Variants in NSD1 observed in about 807,000 individuals in gnomAD.
NSD1 encodes histone-lysine N-methyltransferase, H3 lysine-36 specific.
Under a neutral mutation model 242.7 loss-of-function variants are expected in NSD1, and 26 were observed. That is an observed-to-expected ratio of 0.11 (90% CI 0.08 to 0.15). The LOEUF is 0.15. Ranked by LOEUF, NSD1 falls within the 10% of genes least tolerant of loss-of-function variation. The pLI, the probability that NSD1 is intolerant of heterozygous loss-of-function variation, is 1.00. For synonymous variants in NSD1, 1,106 were observed against 1,178.1 expected, an observed-to-expected ratio of 0.94 and a Z score of 1.25; for missense variants, 2,495 against 3,272.8, an observed-to-expected ratio of 0.76 and a Z score of 5.80.
chr5:177,182,186 A>G (rs1007239167), intron 2 of NSD1, among the ~76,000 whole-genome samples: 2 of 151,830 alleles, frequency 1.3e-5, no homozygotes, highest in Middle Eastern at 3.4e-3. Context: ...TCATAGTGGT[A>G]TGCACTTTTA....
intron 4 of NSD1, among the ~76,000 whole-genome samples, chr5:177,207,442 C>A (rs13174760): frequency 0.23 from 35,190 of 151,048 alleles, 5,423 homozygotes; most frequent in East Asian, 0.51. Context: ...GCCACCAGGC[C>A]TGGCTAATTT....
chr5:177,227,078 A>G (rs967511989), intron 5 of NSD1, among the ~76,000 whole-genome samples: 5 of 152,218 alleles, frequency 3.3e-5, no homozygotes, highest in Admixed American at 6.5e-5. Context: ...GATGAAACAC[A>G]TATGGATGAA....
intron 22 of NSD1, 35 bp downstream of exon 22, chr5:177,292,193 T>A: frequency 6.2e-7 from 1 of 1,603,944 alleles, no homozygotes. Flanking sequence ...CGCTACTCGT[T>A]CTCTCCATCA....
intron 20 of NSD1, among the ~76,000 whole-genome samples, chr5:177,287,656 GAAA>G (rs921620986): frequency 3.3e-5 from 5 of 149,652 alleles, no homozygotes; most frequent in Non-Finnish European, 5.9e-5. Context: ...AAAGAAAAAA[GAAA>G]AAAAAACAGT....
intron 2 of NSD1, among the ~76,000 whole-genome samples, chr5:177,147,927 G>A (rs1365182385): frequency 1.3e-5 from 2 of 151,830 alleles, no homozygotes; most frequent in Non-Finnish European, 2.9e-5. Context: ...AATATTCCAT[G>A]ATACAAATAT....
chr5:177,282,707 GCT>G lies in NSD1; in HGVS notation c.6009+127_6009+128del. On this transcript the variant is annotated intron_variant, in intron 19 of 22. Transcript: ENST00000439151. ...GTCTTTTCCCATACCCATTGGGATT[GCT>G]GGATTGGGGTTCTGGAGTAGGTAAG... 3 of 803,152 alleles carry G rather than the reference GCT, an allele frequency of 3.7e-6. No homozygotes were observed. In the Middle Eastern group the frequency reaches 6.7e-4, roughly 180 times the overall value. The allele number at this position is 803,152 out of a possible 1,614,324, so 49.8% of individuals were successfully genotyped here. A position where few individuals can be genotyped will look rare whatever the true frequency, so the allele number is the denominator to read the frequency against.
At chr5:177,219,509 C>A (rs1298885234) in intron 5 of NSD1, among the ~76,000 whole-genome samples, 1 of 152,058 alleles carries the variant, frequency 6.6e-6, no homozygotes, top group Non-Finnish European at 1.5e-5. Context: ...TTTCAAATTT[C>A]CCTTGTGATT....
chr5:177,267,831 T>A lies in NSD1; in HGVS notation c.5303+113T>A, dbSNP rs10071723. On this transcript the variant is annotated intron_variant, in intron 15 of 22. Transcript: ENST00000439151. ...TCTACTTAATTACTCATGGTACTCC[T>A]CCCCTCTTCTTCTTGATTTTTTTCC... The A allele has an allele frequency of 3.3e-5, 34 of 1,034,180 alleles. No homozygotes were observed. The African/African-American group carries it at 4.8e-4, about 15-fold the overall frequency. 64.1% of individuals were successfully genotyped at this position (1,034,180 alleles called of 1,614,324 possible).
chr5:177,209,813 C>A lies in NSD1; in HGVS notation c.1414C>A (p.Leu472Ile), dbSNP rs371775975. The change falls in exon 5 of 23, where the codon CTT (leucine) becomes ATT (isoleucine). Residue 472 changes from leucine (L) to isoleucine (I), a missense_variant. Physicochemically the swap from Leu to Ile is conservative, Grantham distance 5. This residue lies in a region of NSD1 where 515 missense variants were observed against 467.0 expected (regional missense o/e 1.10). Transcript: ENST00000439151. Reference sequence around the variant, plus strand: ...TCCTGAGTCAGAACATGACCTGTTGCTTAATGGCTGTTTGAAATCACTGGC... The same window carrying A: ...TCCTGAGTCAGAACATGACCTGTTGATTAATGGCTGTTTGAAATCACTGGC... ...NDPESEHDLL[L>I]NGCLKSLAFD... 1.9e-6 allele frequency: 3 copies of A among 1,614,004 alleles called. No individual in the cohort carries two copies. Among genetic ancestry groups the A allele is most frequent in the African/African-American group, 2.7e-5 (2 of 74,902 alleles).
In NSD1 at chr5:177,294,465, G is replaced by A; in HGVS notation, c.7097G>A (p.Gly2366Asp). ...GACCCAAGGCTGGATAAATCCATAG[G>A]TGCTGCCAGCCCAAGGCCCCAGTCA... is the stretch of plus-strand genomic sequence containing the variant. The part of the protein sequence containing the change: ...TADPRLDKSI[G>D]AASPRPQSLE... Residue 2366 changes from glycine to aspartate, a missense_variant, in exon 23 of 23, where the codon GGT (glycine) becomes GAT (aspartate). Coordinates refer to ENST00000439151, the MANE Select transcript of NSD1 (RefSeq NM_022455.5). 1 of 1,614,140 alleles carries A rather than the reference G, an allele frequency of 6.2e-7. No individual in the cohort carries two copies. The highest frequency in any genetic ancestry group is 8.5e-7 in the Non-Finnish European group (1 of 1,180,032).
At position 177,251,641 on chromosome 5, in the gene NSD1, A is replaced by G. The variant is rs560877483; in HGVS notation, c.4642-89A>G. On this transcript the variant is annotated intron_variant, in intron 11 of 22. Coordinates refer to ENST00000439151, the MANE Select transcript of NSD1 (RefSeq NM_022455.5). ...CTCACCTCCTTTTCTGCCACTTTTA[A>G]CCTTTGTTTACTTTAACCCACTGAC... is the stretch of plus-strand genomic sequence containing the variant. The G allele has an allele frequency of 5.3e-5, 74 of 1,388,930 alleles. No individual in the cohort carries two copies. The South Asian group carries it at 8.7e-4, about 16-fold the overall frequency. The allele number at this position is 1,388,930 out of a possible 1,614,324, so 86.0% of individuals were successfully genotyped here.
In NSD1 at chr5:177,251,812, A is replaced by T. The variant is rs1237319595; in HGVS notation, c.4724A>T (p.Glu1575Val). The change falls in exon 12 of 23, where the codon GAG becomes GTG. Residue 1575 changes from glutamate (E) to valine (V), a missense_variant. This residue lies in a region of NSD1 where 27 missense variants were observed against 43.1 expected (regional missense o/e 0.63). Transcript: ENST00000439151. Reference protein sequence around the residue: ...AFHLECLGLTEMPRGKFICNE... With the variant: ...AFHLECLGLTVMPRGKFICNE... ...CACCTGGAGTGCCTTGGATTGACTG[A>T]GATGCCAAGAGGAAAATTTATCTGC... is the stretch of plus-strand genomic sequence containing the variant. 2 of 1,614,058 alleles carry T rather than the reference A, an allele frequency of 1.2e-6. No individual in the cohort carries two copies. The highest frequency in any genetic ancestry group is 1.7e-6 in the Non-Finnish European group (2 of 1,180,024).
rs1763232028 is a variant in NSD1 at position 177,210,292 on chromosome 5, G to C, written c.1893G>C (p.Lys631Asn). ...ATATTGGAGCAGGTGATGAGGAAAA[G>C]CGAAGTGATTCCATTAGTATCTGTA... ...LCYIGAGDEEKRSDSISICTT... is the reference protein window; with the variant it reads ...LCYIGAGDEENRSDSISICTT... Residue 631 changes from lysine to asparagine, a missense_variant, in exon 5 of 23, where the codon AAG (lysine) becomes AAC (asparagine). By Grantham distance (94) the Lys-to-Asn change is moderately conservative. Around this residue, in one of 19 missense-constraint regions of NSD1, gnomAD observed 515 missense variants for 467.0 expected, o/e 1.10. Transcript: ENST00000439151. The C allele has an allele frequency of 6.2e-7, 1 of 1,610,634 alleles. No individual in the cohort carries two copies. The highest frequency in any genetic ancestry group is 8.5e-7 in the Non-Finnish European group (1 of 1,178,074).
In NSD1 at chr5:177,260,595, G is replaced by A. The variant is rs184300378; in HGVS notation, c.5146+427G>A. 2.0e-3 allele frequency among the ~76,000 whole-genome samples: 301 copies of A among 152,028 alleles called. 1 individual carries two copies. The highest frequency in any genetic ancestry group is 6.8e-3 in the African/African-American group (284 of 41,470). ...ACTCCTGCCCTCTAGTGATTTGCCCGCCTCGGCCTCCCAAAGTGCTGGGAT... is the reference window on the plus strand; with the variant it reads ...ACTCCTGCCCTCTAGTGATTTGCCCACCTCGGCCTCCCAAAGTGCTGGGAT... On this transcript the variant is annotated intron_variant, in intron 14 of 22. Transcript: ENST00000439151.
intron 12 of NSD1, among the ~76,000 whole-genome samples, chr5:177,252,536 GTTCTTTTTTTTTTTTTTTTTTT>G: frequency 1.0e-5 from 1 of 99,038 alleles, no homozygotes; most frequent in African/African-American, 4.3e-5. Context: ...AAAGTAAAGT[GTTCTTTTTTTTTTTTTTTTTTT>G]TTTTTTTTTT....
chr5:177,259,651 T>C (rs949995472), intron 13 of NSD1, among the ~76,000 whole-genome samples: 1 of 152,222 alleles, frequency 6.6e-6, no homozygotes, highest in African/African-American at 2.4e-5. Flanking sequence ...TTTAAAAGAA[T>C]CACAGAGTTC....
At chr5:177,193,509 T>G (rs1417654083) in intron 3 of NSD1, among the ~76,000 whole-genome samples, 3 of 152,052 alleles carry the variant, frequency 2.0e-5, no homozygotes, top group African/African-American at 7.2e-5. Context: ...ACTCCTGACC[T>G]CAGGTGATCC....
chr5:177,200,142 A>C (rs1185350318), intron 3 of NSD1, among the ~76,000 whole-genome samples: 2 of 151,410 alleles, frequency 1.3e-5, no homozygotes, highest in Non-Finnish European at 1.5e-5. Context: ...TCTGTTGCCC[A>C]GGCTGTGGCA....
At chr5:177,158,236 A>AATTTATTTATTT (rs1316375987) in intron 2 of NSD1, among the ~76,000 whole-genome samples, 2 of 113,044 alleles carry the variant, frequency 1.8e-5, no homozygotes, top group Non-Finnish European at 1.9e-5. Flanking sequence ...TATGGGTTCT[A>AATTTATTTATTT]ATTTCTTTCT....
Sources: allele counts gnomAD v4.1 joint callset (sites outside exome capture counted in the v4.1 genomes callset), GRCh38; gene constraint gnomAD v4.1.1; regional missense constraint gnomAD v4.1.1; transcripts MANE v1.5; gene names NCBI Gene and HGNC (gene_info 2026-07-23, HGNC 2026-07-21).